Variants in SLC25A21 observed in about 807,000 individuals in gnomAD.
SLC25A21 encodes solute carrier family 25 member 21.
A neutral mutation model predicts 43.8 loss-of-function variants in SLC25A21; 47 were observed. The observed-to-expected ratio is 1.07, with a 90% CI of 0.85 to 1.37. SLC25A21 has a LOEUF of 1.37. Among genes scored for constraint, SLC25A21 ranks in the 40% most tolerant of loss-of-function variants. SLC25A21 has a pLI of 0.00. For missense variants in SLC25A21, 352 were observed against 350.2 expected (o/e 1.00, Z -0.04); for synonymous variants, 131 against 121.3 (o/e 1.08, Z -0.52).
rs553190829 is a variant in SLC25A21 at position 37,032,597 on chromosome 14, G to A, written c.70+139684C>T. On this transcript the variant is annotated intron_variant, in intron 1 of 9. Transcript: ENST00000331299. ...GAGGCATAAGAATTGCTTGAACCCG[G>A]GAGGTGGAGGTTGCAGTGAGCCAAG... 5.4e-3 allele frequency among the ~76,000 whole-genome samples: 819 copies of A among 150,306 alleles called. 7 individuals are homozygous for A. Among genetic ancestry groups the A allele is most frequent in the African/African-American group, 0.018 (750 of 40,618 alleles).
At chr14:36,714,454 G>A (rs1222725528) in intron 6 of SLC25A21, among the ~76,000 whole-genome samples, 1 of 152,122 alleles carries the variant, frequency 6.6e-6, no homozygotes, top group Non-Finnish European at 1.5e-5. Flanking sequence ...TTCCTCTCTG[G>A]AGCAGTAAAT....
chr14:36,691,763 T>C (rs1398985521), intron 7 of SLC25A21, among the ~76,000 whole-genome samples: 1 of 152,200 alleles, frequency 6.6e-6, no homozygotes, highest in Non-Finnish European at 1.5e-5. Flanking sequence ...TTAAAAAAAG[T>C]TCTTTTTAAA....
chr14:37,104,814 A>G (rs1474281032), intron 1 of SLC25A21, among the ~76,000 whole-genome samples: 1 of 152,228 alleles, frequency 6.6e-6, no homozygotes, highest in Non-Finnish European at 1.5e-5. Flanking sequence ...GTTCTTAACC[A>G]TTAGTCTTCC....
chr14:37,162,224 C>T (rs1038201117), intron 1 of SLC25A21, among the ~76,000 whole-genome samples: 1 of 152,136 alleles, frequency 6.6e-6, no homozygotes, highest in Non-Finnish European at 1.5e-5. Flanking sequence ...TGCCTGTTCA[C>T]TCTGATGGTA....
chr14:37,161,254 G>A (rs1397039394), intron 1 of SLC25A21, among the ~76,000 whole-genome samples: 1 of 152,114 alleles, frequency 6.6e-6, no homozygotes, highest in Non-Finnish European at 1.5e-5. Flanking sequence ...AAACTGATCA[G>A]TGACGTGAAA....
At chr14:37,029,054 G>A (rs1961152066) in intron 1 of SLC25A21, among the ~76,000 whole-genome samples, 1 of 152,032 alleles carries the variant, frequency 6.6e-6, no homozygotes, top group South Asian at 2.1e-4. Flanking sequence ...TCTCCAATAT[G>A]TTTCCACATT....
At chr14:36,864,673 T>C (rs184137851) in intron 2 of SLC25A21, among the ~76,000 whole-genome samples, 20 of 152,356 alleles carry the variant, frequency 1.3e-4, no homozygotes, top group Admixed American at 1.3e-3. Context: ...TGGATTGATT[T>C]AGCTACATGA....
intron 1 of SLC25A21, among the ~76,000 whole-genome samples, chr14:36,953,109 G>GTTC (rs1184780638): frequency 6.6e-6 from 1 of 152,138 alleles, no homozygotes; most frequent in Non-Finnish European, 1.5e-5. Context: ...GTTATCAAGG[G>GTTC]TTGAATATCA....
At chr14:36,903,407 T>C (rs575417300) in intron 1 of SLC25A21, among the ~76,000 whole-genome samples, 1 of 151,498 alleles carries the variant, frequency 6.6e-6, no homozygotes, top group East Asian at 1.9e-4. Context: ...AGGTCAGGAG[T>C]TCGAGACCAG....
chr14:36,915,074 C>G (rs1410385411), intron 1 of SLC25A21, among the ~76,000 whole-genome samples: 1 of 151,666 alleles, frequency 6.6e-6, no homozygotes, highest in East Asian at 1.9e-4. Flanking sequence ...CTAACTATTC[C>G]TCCTTAAAAT....
intron 1 of SLC25A21, among the ~76,000 whole-genome samples, chr14:36,923,463 CAGAT>C (rs1426164537): frequency 3.9e-5 from 6 of 152,046 alleles, no homozygotes; most frequent in African/African-American, 1.4e-4. Flanking sequence ...AAAATGATAT[CAGAT>C]AGAAATTTCT....
intron 1 of SLC25A21, among the ~76,000 whole-genome samples, chr14:36,975,659 C>G (rs1267646727): frequency 1.3e-5 from 2 of 152,194 alleles, no homozygotes; most frequent in African/African-American, 4.8e-5. Flanking sequence ...GGTGGTTCAG[C>G]TATTTCCAAG....
intron 1 of SLC25A21, among the ~76,000 whole-genome samples, chr14:36,986,348 C>T (rs1960145294): frequency 6.6e-6 from 1 of 152,030 alleles, no homozygotes; most frequent in African/African-American, 2.4e-5. Context: ...TTCCATTATC[C>T]TAAGTCTATT....
chr14:37,078,019 G>A (rs2415382), intron 1 of SLC25A21, among the ~76,000 whole-genome samples: 12,596 of 151,962 alleles, frequency 0.083, 785 homozygotes, highest in South Asian at 0.25. Context: ...CTTAAAATTT[G>A]AGATTTAAGT....
intron 1 of SLC25A21, among the ~76,000 whole-genome samples, chr14:36,976,697 G>A (rs1386861525): frequency 6.6e-6 from 1 of 152,188 alleles, no homozygotes; most frequent in Non-Finnish European, 1.5e-5. Flanking sequence ...GGAAACTGCT[G>A]AGTCACTTGC....
Position 36,997,008 on chromosome 14 carries a change from C to A in SLC25A21, c.71-122004G>T, listed in dbSNP as rs191432678. ...CAGGGAAGAAATGAGAGGCAAGAGACAGCCCAAATCTTGGTGGGAGAGTCG... is the reference window on the plus strand; with the variant it reads ...CAGGGAAGAAATGAGAGGCAAGAGAAAGCCCAAATCTTGGTGGGAGAGTCG... On this transcript the variant is annotated intron_variant, in intron 1 of 9. Transcript: ENST00000331299. 4.6e-5 allele frequency among the ~76,000 whole-genome samples: 7 copies of A among 152,228 alleles called. No individual in the cohort carries two copies. The East Asian group carries it at 1.4e-3, about 29-fold the overall frequency.
chr14:36,693,386 G>T (rs994484012), intron 7 of SLC25A21, among the ~76,000 whole-genome samples: 19 of 152,256 alleles, frequency 1.2e-4, no homozygotes, highest in African/African-American at 4.6e-4. Context: ...CAATGGATCT[G>T]CTGATGACAG....
chr14:36,850,253 CA>C (rs1407330355), intron 2 of SLC25A21, among the ~76,000 whole-genome samples: 1 of 152,180 alleles, frequency 6.6e-6, no homozygotes, highest in African/African-American at 2.4e-5. Context: ...GTAATCATTG[CA>C]ACCAATAATT....
intron 1 of SLC25A21, among the ~76,000 whole-genome samples, chr14:36,909,458 A>G (rs969923000): frequency 2.0e-5 from 3 of 152,204 alleles, no homozygotes. Context: ...ACTGCACTGG[A>G]TATGAGCCTT....
Sources: allele counts gnomAD v4.1 joint callset (sites outside exome capture counted in the v4.1 genomes callset), GRCh38; gene constraint gnomAD v4.1.1; transcripts MANE v1.5; gene names NCBI Gene and HGNC (gene_info 2026-07-23, HGNC 2026-07-21).